Variants in KMT2A observed in about 807,000 individuals in gnomAD.
The protein encoded by KMT2A is histone-lysine N-methyltransferase 2A.
A neutral mutation model predicts 345.3 loss-of-function variants in KMT2A; 16 were observed. The ratio of observed to expected loss-of-function variants is 0.05; its 90% CI spans 0.03 to 0.07. The LOEUF is 0.07. Ranked by LOEUF, KMT2A falls within the 10% of genes least tolerant of loss-of-function variation. The pLI is 1.00. For synonymous variants in KMT2A, 1,599 were observed against 1,778.6 expected, an observed-to-expected ratio of 0.90 and a Z score of 2.54; for missense variants, 3,272 against 4,841.6, an observed-to-expected ratio of 0.68 and a Z score of 9.62.
At position 118,473,346 on chromosome 11, in the gene KMT2A, A is replaced by C. The variant is rs781874357; in HGVS notation, c.2187A>C (p.Ser729=). Residue 729 remains serine, a synonymous_variant, in exon 3 of 36, where the codon TCA becomes TCC. Coordinates refer to ENST00000534358, the MANE Select transcript of KMT2A (RefSeq NM_001197104.2). The surrounding 1 kb of genome is among the most constrained non-coding windows in gnomAD (Gnocchi z 5.2). ...SNRTSAGTSS[S]GVSNRKRKRK... The stretch of plus-strand genomic sequence containing the variant: ...GAACTTCTGCTGGAACATCTTCTTC[A>C]GGAGTATCCAATAGAAAAAGGAAAA... The C allele has an allele frequency of 2.5e-6, 4 of 1,613,926 alleles. No homozygotes were observed. Among genetic ancestry groups the C allele is most frequent in the Non-Finnish European group, 3.4e-6 (4 of 1,179,994 alleles).
rs782345273 is a variant in KMT2A at position 118,504,223 on chromosome 11, C to T, written c.8331C>T (p.His2777=). ...KEHVTKSSVG[H]KNEPKMDNCH... The stretch of plus-strand genomic sequence containing the variant: ...ATGTCACTAAGAGTTCTGTTGGCCA[C>T]AAAAATGAGCCAAAGATGGATAACT... Residue 2777 remains histidine (H), a synonymous_variant, in exon 27 of 36, where the codon CAC becomes CAT. Transcript: ENST00000534358. This position sits in a 1 kb window ranked among gnomAD's most constrained non-coding sequence, Gnocchi z 6.4. 1.2e-6 allele frequency: 2 copies of T among 1,614,040 alleles called. No homozygotes were observed. The highest frequency in any genetic ancestry group is 1.1e-5 in the South Asian group (1 of 91,068).
At position 118,452,901 on chromosome 11, in the gene KMT2A, G is replaced by A. The variant is rs569087465; in HGVS notation, c.433-15874G>A. On this transcript the variant is annotated intron_variant, in intron 1 of 35. Transcript: ENST00000534358. ...CCCACCTCGGCCTCCCAAAGTGCTG[G>A]GATTGCAGGCGTGAGCCACTGTGCC... 4.0e-5 allele frequency among the ~76,000 whole-genome samples: 6 copies of A among 150,580 alleles called. No individual in the cohort carries two copies. The South Asian group carries it at 1.3e-3, about 32-fold the overall frequency.
rs899722410 is a variant in KMT2A at position 118,525,770 on chromosome 11, T to C, written c.*3598T>C. On this transcript the variant is annotated 3_prime_UTR_variant, in exon 36 of 36. Coordinates refer to ENST00000534358, the MANE Select transcript of KMT2A (RefSeq NM_001197104.2). ...ACTTCTAAGTTCGGTTTGGGATTTT[T>C]TTTTTTTAATAGAAATCAAGTTGTT... 2 of 226,268 alleles carry C rather than the reference T, an allele frequency of 8.8e-6. No homozygotes were observed. The highest frequency in any genetic ancestry group is 1.8e-5 in the Non-Finnish European group (2 of 113,948). The allele number at this position is 226,268 out of a possible 1,614,324, so 14.0% of individuals were successfully genotyped here. A position where few individuals can be genotyped will look rare whatever the true frequency, so the allele number is the denominator to read the frequency against.
chr11:118,445,059 C>CT lies in KMT2A; in HGVS notation c.432+8124dup, dbSNP rs201104615. On this transcript the variant is annotated intron_variant, in intron 1 of 35. Transcript: ENST00000534358. ...ATTGAAAGGAGAGCAGGGTTATAAT[C>CT]TTTTTTTTTCATCAAAATAACTGGT... is the stretch of plus-strand genomic sequence containing the variant. Among the ~76,000 whole-genome samples the CT allele has an allele frequency of 2.4e-3, 364 of 151,442 alleles. 1 individual carries two copies. Among genetic ancestry groups the CT allele is most frequent in the African/African-American group, 4.0e-3 (166 of 41,316 alleles).
Position 118,473,764 on chromosome 11 carries a change from GAGA to G in KMT2A, c.2608_2610del (p.Lys870del). 1.2e-6 allele frequency: 2 copies of G among 1,613,994 alleles called. No individual in the cohort carries two copies. Among genetic ancestry groups the G allele is most frequent in the Non-Finnish European group, 1.7e-6 (2 of 1,179,922 alleles). ...AGATCGAGATGCTGACAAGAGCGTG[GAGA>G]AGGACAAGAGTAGAGAGAGAGACCG... is the stretch of plus-strand genomic sequence containing the variant. On this transcript the variant is annotated inframe_deletion, in exon 3 of 36. Transcript: ENST00000534358. The surrounding 1 kb of genome is among the most constrained non-coding windows in gnomAD (Gnocchi z 5.2).
rs1555043499 is a variant in KMT2A, at chr11:118,494,781, G to A, written c.5363+14G>A. The A allele has an allele frequency of 1.2e-6, 2 of 1,607,108 alleles. No individual in the cohort carries two copies. The highest frequency in any genetic ancestry group is 1.7e-6 in the Non-Finnish European group (2 of 1,174,198). Reference sequence around the variant, plus strand: ...AGTATCAAGCAAGTAAGTGAATTTAGCATAACTTTTTTTTCTCCTCATCGG... The same window carrying A: ...AGTATCAAGCAAGTAAGTGAATTTAACATAACTTTTTTTTCTCCTCATCGG... On this transcript the variant is annotated intron_variant, in intron 18 of 35. Coordinates refer to ENST00000534358, the MANE Select transcript of KMT2A (RefSeq NM_001197104.2). This position sits in a 1 kb window ranked among gnomAD's most constrained non-coding sequence, Gnocchi z 5.8.
chr11:118,513,868 G>C (rs1466064104), intron 31 of KMT2A, among the ~76,000 whole-genome samples: 1 of 147,300 alleles, frequency 6.8e-6, no homozygotes, highest in African/African-American at 2.5e-5. Flanking sequence ...AGCCTGGGAG[G>C]TCAAGCCTAC....
At chr11:118,465,558 G>C (rs1949828607) in intron 1 of KMT2A, among the ~76,000 whole-genome samples, 1 of 152,052 alleles carries the variant, frequency 6.6e-6, no homozygotes, top group Admixed American at 6.6e-5. Flanking sequence ...AAATGAAATT[G>C]AGGGATAGAT....
chr11:118,441,538 A>G (rs1259018456), intron 1 of KMT2A, among the ~76,000 whole-genome samples: 3 of 152,162 alleles, frequency 2.0e-5, no homozygotes, highest in Non-Finnish European at 4.4e-5. Flanking sequence ...CAGACTATCC[A>G]AAAGAGAAGT....
chr11:118,504,670 G>T lies in KMT2A; in HGVS notation c.8778G>T (p.Leu2926Phe). ...TCTCAGCAGAGGAACAGTTTGAGTTGCCTCTAGAGCTACCATCTGATCTGT... is the reference window on the plus strand; with the variant it reads ...TCTCAGCAGAGGAACAGTTTGAGTTTCCTCTAGAGCTACCATCTGATCTGT... ...SSISAEEQFE[L>F]PLELPSDLSV... is the part of the protein sequence containing the mutation. The change falls in exon 27 of 36, where the codon TTG becomes TTT. Residue 2926 changes from leucine to phenylalanine, a missense_variant. Physicochemically the swap from Leu to Phe is conservative, Grantham distance 22. Coordinates refer to ENST00000534358, the MANE Select transcript of KMT2A (RefSeq NM_001197104.2). This position sits in a 1 kb window ranked among gnomAD's most constrained non-coding sequence, Gnocchi z 6.4. The T allele has an allele frequency of 1.2e-6, 2 of 1,614,156 alleles. No homozygotes were observed. Among genetic ancestry groups the T allele is most frequent in the Non-Finnish European group, 1.7e-6 (2 of 1,180,026 alleles).
At position 118,436,972 on chromosome 11, in the gene KMT2A, G is replaced by C. The variant is rs2134155645; in HGVS notation, c.432+28G>C. Reference sequence around the variant, plus strand: ...AAGGGGGCGAGGAACCCCCAGGTCCGGGGTCTCGACCCTCTGCGGAGCCCC... The same window carrying C: ...AAGGGGGCGAGGAACCCCCAGGTCCCGGGTCTCGACCCTCTGCGGAGCCCC... On this transcript the variant is annotated intron_variant, in intron 1 of 35. Transcript: ENST00000534358. The surrounding 1 kb of genome is among the most constrained non-coding windows in gnomAD (Gnocchi z 6.9). The C allele has an allele frequency of 7.0e-7, 1 of 1,426,766 alleles. No homozygotes were observed. Among genetic ancestry groups the C allele is most frequent in the South Asian group, 1.5e-5 (1 of 68,582 alleles). 88.4% of individuals were successfully genotyped at this position (1,426,766 alleles called of 1,614,324 possible).
Position 118,505,493 on chromosome 11 carries a change from G to T in KMT2A, c.9601G>T (p.Val3201Phe). ...GCCTCCTCCGGATCCCCAACTTTTGGTTTCAGAATCCAGCCAGAGGACAGA... is the reference window on the plus strand; with the variant it reads ...GCCTCCTCCGGATCCCCAACTTTTGTTTTCAGAATCCAGCCAGAGGACAGA... Reference protein sequence around the residue: ...VQPPPDPQLLVSESSQRTDLS... With the variant: ...VQPPPDPQLLFSESSQRTDLS... Residue 3201 changes from valine to phenylalanine, a missense_variant, in exon 27 of 36, where the codon GTT becomes TTT. This residue lies in a region of KMT2A where 748 missense variants were observed against 922.2 expected (regional missense o/e 0.81). Transcript: ENST00000534358. This position sits in a 1 kb window ranked among gnomAD's most constrained non-coding sequence, Gnocchi z 4.6. 1 of 1,614,072 alleles carries T rather than the reference G, an allele frequency of 6.2e-7. No individual in the cohort carries two copies. The highest frequency in any genetic ancestry group is 8.5e-7 in the Non-Finnish European group (1 of 1,180,022).
chr11:118,490,262 G>T lies in KMT2A; in HGVS notation c.4696+13G>T. The T allele has an allele frequency of 6.5e-7, 1 of 1,536,316 alleles. No individual in the cohort carries two copies. Among genetic ancestry groups the T allele is most frequent in the South Asian group, 1.3e-5 (1 of 77,796 alleles). On this transcript the variant is annotated intron_variant, in intron 13 of 35. Transcript: ENST00000534358. This position sits in a 1 kb window ranked among gnomAD's most constrained non-coding sequence, Gnocchi z 4.2. ...CTCTTTGCTAAAGGTACCCAAAAAA[G>T]CCAGTTTTGCCAGCTTTCGGAGGTT...
Position 118,436,787 on chromosome 11 carries a change from C to G in KMT2A, c.275C>G (p.Ser92Trp), listed in dbSNP as rs782112520. The G allele has an allele frequency of 6.2e-7, 1 of 1,606,156 alleles. No individual in the cohort carries two copies. The highest frequency in any genetic ancestry group is 2.3e-5 in the East Asian group (1 of 44,320). Residue 92 changes from serine to tryptophan, a missense_variant, in exon 1 of 36, where the codon TCG (serine) becomes TGG (tryptophan). Physicochemically the swap from Ser to Trp is radical, Grantham distance 177. Around this residue, in one of 27 missense-constraint regions of KMT2A, gnomAD observed 412 missense variants for 511.0 expected, o/e 0.81. Coordinates refer to ENST00000534358, the MANE Select transcript of KMT2A (RefSeq NM_001197104.2). The surrounding 1 kb of genome is among the most constrained non-coding windows in gnomAD (Gnocchi z 6.9). ...GCCTCCTCGTCGTCCGCCTCGTCTT[C>G]GTCTTCGTCATCGTCCTCAGCCTCT... The part of the protein sequence containing the change: ...SAASSSSASS[S>W]SSSSSSASSG...
At chr11:118,487,291 T>C (rs1950246916) in intron 10 of KMT2A, among the ~76,000 whole-genome samples, 1 of 152,206 alleles carries the variant, frequency 6.6e-6, no homozygotes, top group Non-Finnish European at 1.5e-5. Context: ...AGGGTATAAT[T>C]GTTCTGATCT....
At chr11:118,511,132 T>G (rs949944585) in intron 30 of KMT2A, among the ~76,000 whole-genome samples, 1 of 152,150 alleles carries the variant, frequency 6.6e-6, no homozygotes, top group Non-Finnish European at 1.5e-5. Flanking sequence ...GGAAACATAA[T>G]GTGATAAGCT....
chr11:118,464,997 C>T (rs1406883011), intron 1 of KMT2A, among the ~76,000 whole-genome samples: 1 of 152,246 alleles, frequency 6.6e-6, no homozygotes, highest in Non-Finnish European at 1.5e-5. Context: ...TGTCCCTGCT[C>T]ATTCCTCTCA....
In KMT2A at chr11:118,520,272, C is replaced by G. The variant is rs1055113077; in HGVS notation, c.11429+208C>G. On this transcript the variant is annotated intron_variant, in intron 33 of 35. Coordinates refer to ENST00000534358, the MANE Select transcript of KMT2A (RefSeq NM_001197104.2). This position sits in a 1 kb window ranked among gnomAD's most constrained non-coding sequence, Gnocchi z 4.3. ...GAGAAATTCAAAGAACTGTAAGATG[C>G]CTGTTTTCTTTAATGATAGTATACT... The G allele has an allele frequency of 2.5e-5, 14 of 552,202 alleles. No homozygotes were observed. Among genetic ancestry groups the G allele is most frequent in the Admixed American group, 1.3e-4 (4 of 29,664 alleles). The allele number at this position is 552,202 out of a possible 1,614,324, so 34.2% of individuals were successfully genotyped here.
intron 1 of KMT2A, among the ~76,000 whole-genome samples, chr11:118,462,813 C>T (rs975134927): frequency 6.6e-6 from 1 of 152,196 alleles, no homozygotes; most frequent in African/African-American, 2.4e-5. Flanking sequence ...CCTCCCACGT[C>T]GGCCTCCTAA....
Sources: allele counts gnomAD v4.1 joint callset (sites outside exome capture counted in the v4.1 genomes callset), GRCh38; gene constraint gnomAD v4.1.1; regional missense constraint gnomAD v4.1.1; non-coding constraint Gnocchi (gnomAD v3.1); transcripts MANE v1.5; gene names NCBI Gene and HGNC (gene_info 2026-07-23, HGNC 2026-07-21).